The following METTL15 variants were observed in gnomAD, a reference collection of about 807,000 sequenced individuals.
METTL15 encodes the protein 12S rRNA N(4)-cytidine methyltransferase METTL15.
Under a neutral mutation model 38.3 loss-of-function variants are expected in METTL15, and 34 were observed. That is an observed-to-expected ratio of 0.89 (90% CI 0.68 to 1.18). METTL15 has a LOEUF of 1.18. Among genes scored for constraint, METTL15 ranks in the 50% most tolerant of loss-of-function variants. METTL15 has a pLI of 0.00. For missense variants in METTL15, 438 were observed against 498.4 expected, an observed-to-expected ratio of 0.88 and a Z score of 1.15; for synonymous variants, 162 against 170.9, an observed-to-expected ratio of 0.95 and a Z score of 0.41.
At chr11:28,341,466 T>A (rs1373229818) in intron 3 of METTL15, among the ~76,000 whole-genome samples, 1 of 152,208 alleles carries the variant, frequency 6.6e-6, no homozygotes, top group East Asian at 1.9e-4. Context: ...TTGTAATGAA[T>A]GTATATCCAT....
intron 3 of METTL15, among the ~76,000 whole-genome samples, chr11:28,161,562 G>A (rs1383925923): frequency 1.3e-5 from 2 of 152,048 alleles, no homozygotes; most frequent in African/African-American, 2.4e-5. Flanking sequence ...AATAATTTTA[G>A]CCAAAGAAGG....
chr11:28,248,752 T>G (rs1854616026), intron 4 of METTL15, among the ~76,000 whole-genome samples: 1 of 152,036 alleles, frequency 6.6e-6, no homozygotes, highest in Non-Finnish European at 1.5e-5. Context: ...TACAATTTAT[T>G]TTAGTTAATC....
chr11:28,128,083 A>G (rs1482123040), intron 3 of METTL15, among the ~76,000 whole-genome samples: 1 of 152,132 alleles, frequency 6.6e-6, no homozygotes, highest in Non-Finnish European at 1.5e-5. Flanking sequence ...TATAATGCCT[A>G]ATAGAAAAGA....
At chr11:28,263,787 T>G (rs1855303494) in intron 4 of METTL15, among the ~76,000 whole-genome samples, 1 of 152,124 alleles carries the variant, frequency 6.6e-6, no homozygotes, top group African/African-American at 2.4e-5. Flanking sequence ...TCTCTGATAC[T>G]TGGCTTCGTT....
rs988611971 is a variant in METTL15 at position 28,502,960 on chromosome 11, G to C, written c.*425-23518G>C. ...ACCACTATAATATCAGTCAAAACAG[G>C]TCAAGTTATGCTGTAGTAACTCTGA... On this transcript the variant is annotated intron_variant and NMD_transcript_variant, in intron 6 of 7. Transcript: ENST00000532947. Among the ~76,000 whole-genome samples the C allele has an allele frequency of 1.1e-4, 17 of 152,136 alleles. 1 individual carries two copies. Among genetic ancestry groups the C allele is most frequent in the African/African-American group, 3.9e-4 (16 of 41,428 alleles).
At chr11:28,299,296 G>T (rs1856837862) in intron 6 of METTL15, among the ~76,000 whole-genome samples, 1 of 1,194 alleles carries the variant, frequency 8.4e-4, no homozygotes, top group Admixed American at 0.056. Flanking sequence ...ATCTGAATGA[G>T]AAGTTTTCTA....
intron 6 of METTL15, among the ~76,000 whole-genome samples, chr11:28,465,675 A>G (rs1419981837): frequency 6.6e-6 from 1 of 152,120 alleles, no homozygotes; most frequent in African/African-American, 2.4e-5. Context: ...TGCCTCAGAT[A>G]ATTTGTGTGC....
intron 4 of METTL15, among the ~76,000 whole-genome samples, chr11:28,252,235 G>A (rs1158223961): frequency 6.6e-6 from 1 of 152,140 alleles, no homozygotes; most frequent in Non-Finnish European, 1.5e-5. Flanking sequence ...AAGTGCTAAG[G>A]AAAATATAAA....
intron 5 of METTL15, among the ~76,000 whole-genome samples, chr11:28,381,184 G>A (rs993757468): frequency 7.2e-5 from 11 of 151,962 alleles, no homozygotes; most frequent in Middle Eastern, 3.4e-3. Context: ...ATTTTTGTAC[G>A]GATGGGGTCT....
At chr11:28,410,531 C>T (rs1396471317) in intron 5 of METTL15, 1 of 152,086 alleles carries the variant, frequency 6.6e-6, no homozygotes, top group Non-Finnish European at 1.5e-5. Context: ...ACTTGATCAT[C>T]TCAATTGACT....
chr11:28,351,259 G>A (rs977522942), intron 3 of METTL15, among the ~76,000 whole-genome samples: 7 of 152,020 alleles, frequency 4.6e-5, no homozygotes, highest in South Asian at 4.2e-4. Context: ...CTACAGGCAC[G>A]CGCCACCATG....
chr11:28,383,986 G>C (rs1219044431), intron 5 of METTL15, among the ~76,000 whole-genome samples: 1 of 151,934 alleles, frequency 6.6e-6, no homozygotes, highest in Non-Finnish European at 1.5e-5. Context: ...GTAGGCCCCA[G>C]TGTCTGTTAT....
At chr11:28,343,651 C>T (rs1041396113) in intron 3 of METTL15, among the ~76,000 whole-genome samples, 1 of 152,130 alleles carries the variant, frequency 6.6e-6, no homozygotes, top group Non-Finnish European at 1.5e-5. Flanking sequence ...ACAGCTCTAG[C>T]CTTTTATTTA....
intron 3 of METTL15, among the ~76,000 whole-genome samples, chr11:28,173,184 A>G (rs1327730084): frequency 6.6e-6 from 1 of 152,168 alleles, no homozygotes; most frequent in African/African-American, 2.4e-5. Flanking sequence ...TCCCTAAGCT[A>G]TAGTCTGAAT....
chr11:28,126,929 A>C (rs1302706018), intron 3 of METTL15, among the ~76,000 whole-genome samples: 2 of 152,138 alleles, frequency 1.3e-5, no homozygotes, highest in Non-Finnish European at 2.9e-5. Context: ...TCATAAGGAC[A>C]AAGAATCTAG....
intron 3 of METTL15, among the ~76,000 whole-genome samples, chr11:28,343,647 C>T (rs1259826051): frequency 2.0e-5 from 3 of 152,174 alleles, no homozygotes; most frequent in Non-Finnish European, 4.4e-5. Flanking sequence ...CTATACAGCT[C>T]TAGCCTTTTA....
intron 3 of METTL15, among the ~76,000 whole-genome samples, chr11:28,154,448 A>G (rs1286760068): frequency 6.6e-6 from 1 of 152,060 alleles, no homozygotes; most frequent in African/African-American, 2.4e-5. Context: ...TTAATTTTGT[A>G]TGAGGGTATA....
chr11:28,456,637 T>G (rs1433337505), intron 6 of METTL15, among the ~76,000 whole-genome samples: 1 of 152,044 alleles, frequency 6.6e-6, no homozygotes, highest in Non-Finnish European at 1.5e-5. Flanking sequence ...AGACGGGGCT[T>G]CACCATGTTG....
intron 3 of METTL15, among the ~76,000 whole-genome samples, chr11:28,119,365 C>T (rs1726115546): frequency 6.6e-6 from 1 of 152,142 alleles, no homozygotes; most frequent in African/African-American, 2.4e-5. Context: ...TCAAAGTAAA[C>T]TAGAAGACAG....
Sources: gnomAD v4.1 joint callset for allele counts (sites outside exome capture counted in the v4.1 genomes callset) on GRCh38, gnomAD v4.1.1 for gene constraint, MANE v1.5 for transcripts, NCBI Gene and HGNC (gene_info 2026-07-23, HGNC 2026-07-21) for gene names.